The following FCHSD2 variants were observed in gnomAD, a reference collection of about 807,000 sequenced individuals.
FCHSD2 encodes the protein FCH and double SH3 domains 2.
In FCHSD2, 38 loss-of-function variants were observed where a neutral mutation model predicts 108.1. That is an observed-to-expected ratio of 0.35 (90% confidence interval 0.27 to 0.46). The LOEUF is 0.46. FCHSD2 is among the 20% of genes least tolerant of loss of function. The pLI, the probability that FCHSD2 is intolerant of heterozygous loss-of-function variation, is 1.00. For missense variants in FCHSD2, 751 were observed against 897.8 expected (o/e 0.84, Z 2.09); for synonymous variants, 279 against 314.7 (o/e 0.89, Z 1.20).
At chr11:72,964,277 T>C (rs1377711263) in intron 8 of FCHSD2, among the ~76,000 whole-genome samples, 3 of 152,234 alleles carry the variant, frequency 2.0e-5, no homozygotes, top group African/African-American at 7.2e-5. Context: ...CAATCTTATG[T>C]TCTCATCACA....
chr11:72,996,649 G>GA (rs1447748967), intron 5 of FCHSD2, among the ~76,000 whole-genome samples: 5 of 152,054 alleles, frequency 3.3e-5, no homozygotes, highest in African/African-American at 1.2e-4. Flanking sequence ...TCAAATTAGA[G>GA]AAAATCTTTA....
chr11:73,141,803 G>C (rs2135583508), intron 1 of FCHSD2, 54 bp downstream of exon 1: 1 of 1,524,648 alleles, frequency 6.6e-7, no homozygotes, highest in Admixed American at 2.0e-5. Context: ...CGCCCCAGCC[G>C]CGTTCCGCGT....
chr11:73,122,970 T>C (rs1565101087), intron 2 of FCHSD2, among the ~76,000 whole-genome samples: 5 of 152,220 alleles, frequency 3.3e-5, no homozygotes, highest in Non-Finnish European at 5.9e-5. Flanking sequence ...ATCTTAATCA[T>C]TGAACATTTA....
At chr11:72,876,154 A>C (rs772751721) in intron 12 of FCHSD2, among the ~76,000 whole-genome samples, 1 of 152,076 alleles carries the variant, frequency 6.6e-6, no homozygotes, top group Non-Finnish European at 1.5e-5. Context: ...GCAAGACCCT[A>C]TCTCTATAAA....
intron 13 of FCHSD2, among the ~76,000 whole-genome samples, chr11:72,854,500 T>C (rs1348414971): frequency 6.6e-6 from 1 of 152,238 alleles, no homozygotes; most frequent in Non-Finnish European, 1.5e-5. Context: ...GGTGCGATCA[T>C]AGCTCATTGC....
chr11:73,083,721 C>T lies in FCHSD2; in HGVS notation c.139G>A (p.Ala47Thr). 1 of 1,545,554 alleles carries T rather than the reference C, an allele frequency of 6.5e-7. No individual in the cohort carries two copies. Among genetic ancestry groups the T allele is most frequent in the South Asian group, 1.2e-5 (1 of 83,970 alleles). Residue 47 changes from alanine to threonine, a missense_variant, in exon 3 of 20, where the codon GCT (alanine) becomes ACT (threonine). Coordinates refer to ENST00000409418, the MANE Select transcript of FCHSD2 (RefSeq NM_014824.3). Reference sequence around the variant, plus strand: ...TGTGCATACTCTCTTTCAATAGCAGCCTTCTTCTGACTGAATGTCCTAAAA... The same window carrying T: ...TGTGCATACTCTCTTTCAATAGCAGTCTTCTTCTGACTGAATGTCCTAAAA... ...EDMRTFSQKKAAIEREYAQGM... is the reference protein window; with the variant it reads ...EDMRTFSQKKTAIEREYAQGM...
At chr11:72,945,349 T>G (rs1173767067) in intron 8 of FCHSD2, among the ~76,000 whole-genome samples, 5 of 152,188 alleles carry the variant, frequency 3.3e-5, no homozygotes, top group African/African-American at 4.8e-5. Flanking sequence ...TAGCCATATG[T>G]AGAAAGCTGA....
intron 8 of FCHSD2, among the ~76,000 whole-genome samples, chr11:72,981,061 T>C (rs369038418): frequency 1.3e-5 from 2 of 152,208 alleles, no homozygotes; most frequent in East Asian, 3.8e-4. Context: ...GGTGGAAATT[T>C]ACTAAGTAGC....
intron 8 of FCHSD2, among the ~76,000 whole-genome samples, chr11:72,961,487 CTCAAGTGAT>C (rs772930973): frequency 3.3e-5 from 5 of 152,022 alleles, no homozygotes; most frequent in Non-Finnish European, 7.4e-5. Context: ...AACTCCTGGC[CTCAAGTGAT>C]TCTCCCGTCT....
intron 8 of FCHSD2, among the ~76,000 whole-genome samples, chr11:72,968,739 G>T (rs1425860249): frequency 6.6e-6 from 1 of 152,114 alleles, no homozygotes; most frequent in Non-Finnish European, 1.5e-5. Context: ...TGAGCATAAG[G>T]CCTGCTTACA....
chr11:72,942,708 T>C (rs568841510), intron 8 of FCHSD2, among the ~76,000 whole-genome samples: 1 of 152,338 alleles, frequency 6.6e-6, no homozygotes, highest in African/African-American at 2.4e-5. Flanking sequence ...TGCTATAGAA[T>C]GTTATGGTAT....
chr11:72,958,443 A>C (rs949454238), intron 8 of FCHSD2, among the ~76,000 whole-genome samples: 1 of 152,200 alleles, frequency 6.6e-6, no homozygotes, highest in African/African-American at 2.4e-5. Context: ...ACTGGAACCC[A>C]GGAGGCGGAG....
At chr11:73,103,811 T>C (rs1860278229) in intron 2 of FCHSD2, among the ~76,000 whole-genome samples, 1 of 152,232 alleles carries the variant, frequency 6.6e-6, no homozygotes, top group Admixed American at 6.5e-5. Flanking sequence ...AATCTAATTA[T>C]AGCAAGCCAC....
At chr11:72,888,225 G>T (rs1045236687) in intron 11 of FCHSD2, among the ~76,000 whole-genome samples, 2 of 152,218 alleles carry the variant, frequency 1.3e-5, no homozygotes, top group Non-Finnish European at 2.9e-5. Context: ...CAGAAGGAAA[G>T]CCAGGACAAT....
In FCHSD2 at chr11:72,838,539, C is replaced by A; in HGVS notation, c.*252G>T. On this transcript the variant is annotated 3_prime_UTR_variant, in exon 20 of 20. Transcript: ENST00000409418. ...ACTGTTAGGCATGAGGGCTGCCCCCCTCTTTGCTCCTAGGGTCCGCTAGGA... is the reference window on the plus strand; with the variant it reads ...ACTGTTAGGCATGAGGGCTGCCCCCATCTTTGCTCCTAGGGTCCGCTAGGA... The A allele has an allele frequency of 3.7e-6, 2 of 535,052 alleles. No homozygotes were observed. Among genetic ancestry groups the A allele is most frequent in the East Asian group, 6.4e-5 (2 of 31,078 alleles). The allele number at this position is 535,052 out of a possible 1,614,324, so 33.1% of individuals were successfully genotyped here.
rs200855476 is a variant in FCHSD2 at position 72,924,679 on chromosome 11, C to CTTT, written c.706-2732_706-2730dup. On this transcript the variant is annotated intron_variant, in intron 8 of 19. Coordinates refer to ENST00000409418, the MANE Select transcript of FCHSD2 (RefSeq NM_014824.3). ...TCTTATGTTTGGCTGTTCCATTAAA[C>CTTT]TTTTTTTTTTTTTTTTTAAATACAC... Among the ~76,000 whole-genome samples, 7 of 138,492 alleles carry CTTT rather than the reference C, an allele frequency of 5.1e-5. No homozygotes were observed. The East Asian group carries it at 6.3e-4, about 13-fold the overall frequency. 90.9% of individuals were successfully genotyped at this position (138,492 alleles called of 152,430 possible).
intron 3 of FCHSD2, among the ~76,000 whole-genome samples, chr11:73,023,633 A>T (rs1403888340): frequency 6.6e-6 from 1 of 152,214 alleles, no homozygotes; most frequent in Non-Finnish European, 1.5e-5. Flanking sequence ...GAAATTTCTT[A>T]TGAACAGAGA....
intron 8 of FCHSD2, among the ~76,000 whole-genome samples, chr11:72,979,840 T>G (rs1418736638): frequency 6.6e-6 from 1 of 152,164 alleles, no homozygotes; most frequent in Non-Finnish European, 1.5e-5. Context: ...GATAAATACT[T>G]GCATCTGACA....
intron 12 of FCHSD2, among the ~76,000 whole-genome samples, chr11:72,884,299 G>C (rs950304261): frequency 6.6e-6 from 1 of 151,894 alleles, no homozygotes; most frequent in Non-Finnish European, 1.5e-5. Context: ...TATAATAGTT[G>C]AATCTAGATG....
Sources: gnomAD v4.1 joint callset for allele counts (sites outside exome capture counted in the v4.1 genomes callset) on GRCh38, gnomAD v4.1.1 for gene constraint, MANE v1.5 for transcripts, NCBI Gene and HGNC (gene_info 2026-07-23, HGNC 2026-07-21) for gene names.